Variants in EYS observed in about 807,000 individuals in gnomAD.
The protein encoded by EYS is EGF-like photoreceptor maintenance factor, also known as protein eyes shut homolog.
A neutral mutation model predicts 282.1 loss-of-function variants in EYS; 250 were observed. That is an observed-to-expected ratio of 0.89 (90% confidence interval 0.80 to 0.98). EYS has a LOEUF of 0.98. Ranked by LOEUF, EYS falls within the 50% of genes least tolerant of loss-of-function variation. The pLI, the probability that EYS is intolerant of heterozygous loss-of-function variation, is 0.00. For missense variants in EYS, 4,016 were observed against 3,709.0 expected (o/e 1.08, Z -2.15); for synonymous variants, 1,355 against 1,282.9 (o/e 1.06, Z -1.20).
chr6:65,660,924 G>A (rs1767982798), intron 1 of EYS, among the ~76,000 whole-genome samples: 2 of 151,724 alleles, frequency 1.3e-5, no homozygotes, highest in South Asian at 4.2e-4. Flanking sequence ...TGTAGCACTA[G>A]TGTGACAATG....
At chr6:65,201,784 A>T (rs893119937) in intron 12 of EYS, among the ~76,000 whole-genome samples, 16 of 152,036 alleles carry the variant, frequency 1.1e-4, no homozygotes, top group African/African-American at 3.9e-4. Context: ...GAGGTCATGA[A>T]CATTGCTAAG....
At chr6:65,557,348 C>A (rs1315101599) in intron 2 of EYS, among the ~76,000 whole-genome samples, 1 of 152,200 alleles carries the variant, frequency 6.6e-6, no homozygotes, top group African/African-American at 2.4e-5. Context: ...TGCATACAGG[C>A]AGGCATGCCA....
chr6:65,335,209 G>T, intron 10 of EYS, 63 bp from the exon 11 acceptor site: 1 of 1,189,766 alleles, frequency 8.4e-7, no homozygotes, highest in Non-Finnish European at 1.2e-6. Flanking sequence ...TATTACAATT[G>T]TGACCTGAGA....
intron 31 of EYS, among the ~76,000 whole-genome samples, chr6:64,167,409 T>C (rs1764323869): frequency 6.6e-6 from 1 of 152,206 alleles, no homozygotes. Context: ...ACAACACAAA[T>C]ATGACAATGC....
At chr6:65,016,482 A>G (rs142539778) in intron 13 of EYS, among the ~76,000 whole-genome samples, 36 of 152,316 alleles carry the variant, frequency 2.4e-4, no homozygotes, top group African/African-American at 7.9e-4. Context: ...GCTGTTTAAA[A>G]TGTTTAAAGT....
chr6:64,096,715 G>A (rs1172273155), intron 31 of EYS, among the ~76,000 whole-genome samples: 1 of 152,104 alleles, frequency 6.6e-6, no homozygotes, highest in Admixed American at 6.5e-5. Context: ...TTTTAGCTCG[G>A]TGTAGTTTGA....
chr6:65,212,912 T>C (rs1014452580), intron 12 of EYS, among the ~76,000 whole-genome samples: 1 of 152,108 alleles, frequency 6.6e-6, no homozygotes, highest in Non-Finnish European at 1.5e-5. Flanking sequence ...TAATAATTAA[T>C]TGAGATGCTT....
chr6:65,177,319 C>A (rs1454329760), intron 12 of EYS, among the ~76,000 whole-genome samples: 3 of 151,768 alleles, frequency 2.0e-5, no homozygotes, highest in Admixed American at 1.3e-4. Context: ...GATTATTCAT[C>A]CATTTGCAAT....
At chr6:65,473,843 G>T (rs1582343430) in intron 5 of EYS, among the ~76,000 whole-genome samples, 2 of 140,380 alleles carry the variant, frequency 1.4e-5, no homozygotes. Context: ...TGGGATTTTT[G>T]TCTCAAAAAA....
In EYS at chr6:64,139,967, C is replaced by CAATAAATA. The variant is rs68103337; in HGVS notation, c.6425-57973_6425-57966dup. Among the ~76,000 whole-genome samples, 577 of 143,748 alleles carry CAATAAATA rather than the reference C, an allele frequency of 4.0e-3. 2 individuals are homozygous for CAATAAATA. The highest frequency in any genetic ancestry group is 0.014 in the Middle Eastern group (4 of 280). 94.3% of individuals were successfully genotyped at this position (143,748 alleles called of 152,430 possible). A position where few individuals can be genotyped will look rare whatever the true frequency, so the allele number is the denominator to read the frequency against. ...TGGGTGACAGAGCAAGATTCTGTCT[C>CAATAAATA]AATAAATAAATAAATAAATAAATAA... On this transcript the variant is annotated intron_variant, in intron 31 of 42. Coordinates refer to ENST00000503581, the MANE Select transcript of EYS (RefSeq NM_001142800.2).
chr6:63,736,869 C>T (rs1768927248), intron 41 of EYS, among the ~76,000 whole-genome samples: 1 of 152,010 alleles, frequency 6.6e-6, no homozygotes, highest in African/African-American at 2.4e-5. Flanking sequence ...GGAGTTCACT[C>T]ATGATTTGGC....
chr6:64,428,800 T>C (rs1774492365), intron 28 of EYS, among the ~76,000 whole-genome samples: 1 of 152,204 alleles, frequency 6.6e-6, no homozygotes, highest in Non-Finnish European at 1.5e-5. Context: ...ATTTTGAAAT[T>C]ATTTTTGCTG....
chr6:64,125,439 G>C (rs754622793), intron 31 of EYS, among the ~76,000 whole-genome samples: 1 of 151,550 alleles, frequency 6.6e-6, no homozygotes, highest in African/African-American at 2.4e-5. Context: ...TTACCAGCTT[G>C]CCCAATTGTA....
At chr6:63,923,365 C>T (rs904313105) in intron 35 of EYS, among the ~76,000 whole-genome samples, 2 of 151,866 alleles carry the variant, frequency 1.3e-5, no homozygotes, top group Non-Finnish European at 2.9e-5. Flanking sequence ...AGTAAGTTAA[C>T]GTGTAAAAGT....
chr6:64,616,185 A>G (rs1767269516), intron 24 of EYS, among the ~76,000 whole-genome samples: 1 of 152,172 alleles, frequency 6.6e-6, no homozygotes, highest in African/African-American at 2.4e-5. Context: ...ACATAGTTAA[A>G]TAAAAGACAC....
At chr6:64,776,941 A>G (rs1773697881) in intron 22 of EYS, among the ~76,000 whole-genome samples, 1 of 152,158 alleles carries the variant, frequency 6.6e-6, no homozygotes, top group South Asian at 2.1e-4. Context: ...TAAAGGAAAG[A>G]GGTCTAATTG....
At chr6:63,943,643 A>T (rs563315551) in intron 35 of EYS, among the ~76,000 whole-genome samples, 2 of 152,330 alleles carry the variant, frequency 1.3e-5, no homozygotes, top group Admixed American at 6.5e-5. Context: ...TTAGTTTTAA[A>T]TACATAGATT....
intron 41 of EYS, among the ~76,000 whole-genome samples, chr6:63,739,127 A>G (rs1209394836): frequency 6.6e-6 from 1 of 151,540 alleles, no homozygotes; most frequent in East Asian, 1.9e-4. Context: ...ATGGATTGTA[A>G]TCTATTATCA....
At chr6:63,867,211 T>C (rs1189313604) in intron 35 of EYS, among the ~76,000 whole-genome samples, 1 of 152,186 alleles carries the variant, frequency 6.6e-6, no homozygotes, top group African/African-American at 2.4e-5. Flanking sequence ...TTGCTCAGTT[T>C]ACTTTAAATA....
Sources: allele counts gnomAD v4.1 joint callset (sites outside exome capture counted in the v4.1 genomes callset), GRCh38; gene constraint gnomAD v4.1.1; transcripts MANE v1.5; gene names NCBI Gene and HGNC (gene_info 2026-07-23, HGNC 2026-07-21).